The following ARFGEF1 variants were observed in gnomAD, a reference collection of about 807,000 sequenced individuals.
ARFGEF1 encodes the protein ARF guanine nucleotide exchange factor 1.
A neutral mutation model predicts 231.0 loss-of-function variants in ARFGEF1; 42 were observed. That is an observed-to-expected ratio of 0.18 (90% CI 0.14 to 0.24). The LOEUF is 0.24. ARFGEF1 is among the 10% of genes least tolerant of loss of function. ARFGEF1 has a pLI of 1.00. For synonymous variants in ARFGEF1, 710 were observed against 732.3 expected (o/e 0.97, Z 0.49); for missense variants, 1,345 against 2,192.0 (o/e 0.61, Z 7.72).
intron 19 of ARFGEF1, among the ~76,000 whole-genome samples, chr8:67,248,538 G>GT (rs1446352815): frequency 6.7e-6 from 1 of 150,282 alleles, no homozygotes; most frequent in Non-Finnish European, 1.5e-5. Flanking sequence ...TGAAACTACC[G>GT]TAAGAAAACA....
In ARFGEF1 at chr8:67,272,588, T is replaced by G. The variant is rs1805142039; in HGVS notation, c.1338-652A>C. Among the ~76,000 whole-genome samples the G allele has an allele frequency of 2.6e-5, 4 of 152,192 alleles. No homozygotes were observed. The South Asian group carries it at 8.3e-4, about 32-fold the overall frequency. On this transcript the variant is annotated intron_variant, in intron 9 of 38. Coordinates refer to ENST00000262215, the MANE Select transcript of ARFGEF1 (RefSeq NM_006421.5). ...TGTTCCTTTCTTTCACAACCATACT[T>G]CTTACAAATCATCATCAACTTGTCA...
At chr8:67,301,159 G>T in intron 3 of ARFGEF1, 65 bp downstream of exon 3, 1 of 1,391,098 alleles carries the variant, frequency 7.2e-7, no homozygotes, top group Non-Finnish European at 9.6e-7. Context: ...AATCATCAAT[G>T]TGAGTAATGT....
At chr8:67,321,139 G>C (rs1807569380) in intron 1 of ARFGEF1, among the ~76,000 whole-genome samples, 1 of 143,422 alleles carries the variant, frequency 7.0e-6, no homozygotes, top group Non-Finnish European at 1.5e-5. Flanking sequence ...TTAGGTATGT[G>C]AGAAATGGTG....
intron 6 of ARFGEF1, among the ~76,000 whole-genome samples, chr8:67,291,187 G>C (rs1483115542): frequency 6.6e-6 from 1 of 152,010 alleles, no homozygotes; most frequent in African/African-American, 2.4e-5. Flanking sequence ...AACAGCTAAA[G>C]CTGAAAATAA....
chr8:67,227,521 C>T lies in ARFGEF1; in HGVS notation c.3669G>A (p.Glu1223=). The change falls in exon 26 of 39, where the codon GAG becomes GAA. Residue 1223 remains glutamate (E), a synonymous_variant. Transcript: ENST00000262215. ...SLRQLSMKFL[E]KGELANFRFQ... ...ATCTGAAGTTAGCAAGCTCCCCTTTCTCTAAGAACTTCATTGACAACTGCC... is the reference window on the plus strand; with the variant it reads ...ATCTGAAGTTAGCAAGCTCCCCTTTTTCTAAGAACTTCATTGACAACTGCC... 1 of 1,613,128 alleles carries T rather than the reference C, an allele frequency of 6.2e-7. No individual in the cohort carries two copies. Among genetic ancestry groups the T allele is most frequent in the Non-Finnish European group, 8.5e-7 (1 of 1,179,296 alleles).
chr8:67,225,378 T>C (rs1413302667), intron 28 of ARFGEF1, among the ~76,000 whole-genome samples: 1 of 152,144 alleles, frequency 6.6e-6, no homozygotes, highest in Admixed American at 6.6e-5. Flanking sequence ...ACCACACTGG[T>C]GAAGTATGAA....
chr8:67,257,148 A>G (rs1318043553), intron 17 of ARFGEF1, among the ~76,000 whole-genome samples: 1 of 151,794 alleles, frequency 6.6e-6, no homozygotes, highest in Non-Finnish European at 1.5e-5. Context: ...ACACGATCTC[A>G]GCTCACTGTA....
At chr8:67,341,859 G>A (rs72654968) in intron 1 of ARFGEF1, among the ~76,000 whole-genome samples, 1 of 152,082 alleles carries the variant, frequency 6.6e-6, no homozygotes, top group Non-Finnish European at 1.5e-5. Context: ...TGGTCGATAA[G>A]TAAGGTGAAA....
chr8:67,184,131 G>T (rs1277092085), intron 5 of ARFGEF1, among the ~76,000 whole-genome samples: 1 of 152,146 alleles, frequency 6.6e-6, no homozygotes, highest in Non-Finnish European at 1.5e-5. Context: ...GGGATTATAG[G>T]CGTGAGCCAC....
chr8:67,261,830 CTTTTTTTTTTT>C (rs34170422), intron 14 of ARFGEF1, among the ~76,000 whole-genome samples: 4 of 118,006 alleles, frequency 3.4e-5, no homozygotes, highest in Non-Finnish European at 5.4e-5. Context: ...AATTTCAAGT[CTTTTTTTTTTT>C]TTTTTTTTTT....
chr8:67,260,704 C>T (rs1054914073), intron 14 of ARFGEF1, among the ~76,000 whole-genome samples: 1 of 152,104 alleles, frequency 6.6e-6, no homozygotes, highest in Admixed American at 6.5e-5. Context: ...AAGGAAGACT[C>T]GCACATCTCT....
At chr8:67,290,679 T>C (rs1805969043) in intron 6 of ARFGEF1, among the ~76,000 whole-genome samples, 1 of 152,114 alleles carries the variant, frequency 6.6e-6, no homozygotes, top group South Asian at 2.1e-4. Flanking sequence ...ATAAATAAAG[T>C]CCCAGCTTTA....
intron 5 of ARFGEF1, among the ~76,000 whole-genome samples, chr8:67,179,220 GC>G (rs1471940874): frequency 3.9e-5 from 6 of 152,032 alleles, no homozygotes; most frequent in Non-Finnish European, 1.5e-5. Flanking sequence ...TAATTTGGGA[GC>G]TCATTATAAT....
Position 67,204,504 on chromosome 8 carries a change from C to T in ARFGEF1, c.4959+176G>A, listed in dbSNP as rs370832072. ...CCCTAGTAATCAGTTGCTGACCCTC[C>T]TCCCTGCTCTAGCTAACCTTATTAC... On this transcript the variant is annotated intron_variant, in intron 35 of 38. Coordinates refer to ENST00000262215, the MANE Select transcript of ARFGEF1 (RefSeq NM_006421.5). Among the ~76,000 whole-genome samples, 203 of 152,298 alleles carry T rather than the reference C, an allele frequency of 1.3e-3. 2 individuals are homozygous for T. The highest frequency in any genetic ancestry group is 4.7e-3 in the African/African-American group (196 of 41,564).
chr8:67,200,693 C>G lies in ARFGEF1; in HGVS notation c.5268-180G>C, dbSNP rs190449004. Among the ~76,000 whole-genome samples the G allele has an allele frequency of 3.2e-3, 489 of 152,248 alleles. 4 individuals carry two copies. The highest frequency in any genetic ancestry group is 0.011 in the African/African-American group (471 of 41,552). ...CATGCTTTTCAAATTGGGAAGAAAA[C>G]CAAACATGTTAAAAGAAGCCATTGT... On this transcript the variant is annotated intron_variant, in intron 37 of 38. Transcript: ENST00000262215.
At chr8:67,173,796 T>G (rs115468890), downstream of ARFGEF1, 12 of 152,254 alleles carry the variant, frequency 7.9e-5, no homozygotes, top group African/African-American at 2.9e-4. Flanking sequence ...CCAGGCATTG[T>G]GTTAACCCAG....
intron 1 of ARFGEF1, among the ~76,000 whole-genome samples, chr8:67,338,225 C>G (rs1263320851): frequency 2.6e-5 from 4 of 152,170 alleles, no homozygotes; most frequent in Non-Finnish European, 5.9e-5. Context: ...ACTATTAACA[C>G]ATCTACTACT....
intron 26 of ARFGEF1, 49 bp downstream of exon 26, chr8:67,227,398 G>A: frequency 6.2e-7 from 1 of 1,600,444 alleles, no homozygotes; most frequent in Non-Finnish European, 8.5e-7. Context: ...CCCTGCTGTG[G>A]AAAACAACAA....
intron 13 of ARFGEF1, 55 bp from the exon 14 acceptor site, chr8:67,266,262 G>GTT: frequency 7.0e-7 from 1 of 1,438,444 alleles, no homozygotes; most frequent in Non-Finnish European, 9.5e-7. Flanking sequence ...AAAAAAAAGT[G>GTT]TAAGGGCAAA....
Sources: gnomAD v4.1 joint callset for allele counts (sites outside exome capture counted in the v4.1 genomes callset) on GRCh38, gnomAD v4.1.1 for gene constraint, MANE v1.5 for transcripts, NCBI Gene and HGNC (gene_info 2026-07-23, HGNC 2026-07-21) for gene names.